TGM7: variants seen among roughly 807,000 people sequenced by gnomAD.
TGM7 encodes transglutaminase 7.
TGM7 carries 74 observed loss-of-function variants against 79.5 expected under a neutral mutation model. The observed-to-expected ratio is 0.93, with a 90% CI of 0.77 to 1.13. The LOEUF (loss-of-function observed/expected upper bound fraction) is 1.13. TGM7 is among the 50% of genes most tolerant of loss of function. The probability of loss-of-function intolerance (pLI) is 0.00; values close to 1 mark genes in which losing one functional copy is unlikely to be tolerated. For synonymous variants in TGM7, 354 were observed against 362.5 expected, an observed-to-expected ratio of 0.98 and a Z score of 0.27; for missense variants, 912 against 905.9, an observed-to-expected ratio of 1.01 and a Z score of -0.09.
At chr15:43,285,078 A>G in intron 6 of TGM7, 126 bp from the exon 7 acceptor site, 1 of 1,011,294 alleles carries the variant, frequency 9.9e-7, no homozygotes, top group Non-Finnish European at 1.5e-6. Context: ...CACACCAGTA[A>G]CTCCTTTATT....
At chr15:43,301,240 C>A (rs1408044766) in intron 1 of TGM7, among the ~76,000 whole-genome samples, 1 of 151,942 alleles carries the variant, frequency 6.6e-6, no homozygotes, top group East Asian at 2.0e-4. Context: ...GCCTTGGCCT[C>A]CCAAAGTGCT....
chr15:43,279,728 G>C lies in TGM7; in HGVS notation c.1575C>G (p.Ile525Met), dbSNP rs200510695. 2 of 1,613,974 alleles carry C rather than the reference G, an allele frequency of 1.2e-6. No individual in the cohort carries two copies. Among genetic ancestry groups the C allele is most frequent in the Non-Finnish European group, 8.5e-7 (1 of 1,180,038 alleles). Residue 525 changes from isoleucine to methionine, a missense_variant, in exon 10 of 13, where the codon ATC becomes ATG. By Grantham distance (10) the Ile-to-Met change is conservative. Transcript: ENST00000452443. ...GTGCACAGAAGCGCACCACCAGTCC[G>C]ATGGGCCCCCGAGGGTGGGTGCTGT... Reference protein sequence around the residue: ...VPDSTHPRGPIGLVVRFCAQA... With the variant: ...VPDSTHPRGPMGLVVRFCAQA...
At chr15:43,287,881 G>A (rs1005454582) in intron 4 of TGM7, among the ~76,000 whole-genome samples, 2 of 152,166 alleles carry the variant, frequency 1.3e-5, no homozygotes, top group African/African-American at 2.4e-5. Context: ...ACTAAACTGC[G>A]TGGTTCTGAT....
intron 11 of TGM7, 72 bp downstream of exon 11, chr15:43,279,045 G>C: frequency 2.0e-6 from 3 of 1,514,038 alleles, no homozygotes; most frequent in Non-Finnish European, 2.7e-6. Context: ...TGTCTTGTTG[G>C]CTGCTGCACC....
At position 43,287,504 on chromosome 15, in the gene TGM7, A is replaced by C. The variant is rs761363511; in HGVS notation, c.687+37T>G. 5.6e-6 allele frequency: 9 copies of C among 1,613,010 alleles called. No homozygotes were observed. In the African/African-American group the frequency reaches 1.1e-4, roughly 19 times the overall value. On this transcript the variant is annotated intron_variant, in intron 5 of 12. Transcript: ENST00000452443. The stretch of plus-strand genomic sequence containing the variant: ...GTTTCCACAGCTCCCGGGGAAGCTC[A>C]GACTGTCCTCAGACGGCGGGAAGCA...
intron 11 of TGM7, among the ~76,000 whole-genome samples, chr15:43,277,488 G>A (rs2142400017): frequency 6.6e-6 from 1 of 152,350 alleles, no homozygotes; most frequent in Non-Finnish European, 1.5e-5. Context: ...TGCATGATGT[G>A]TTAATGGCAG....
chr15:43,278,874 C>A (rs543371591), intron 11 of TGM7, among the ~76,000 whole-genome samples: 1 of 152,370 alleles, frequency 6.6e-6, no homozygotes, highest in South Asian at 2.1e-4. Flanking sequence ...ACTTAAAATG[C>A]CTTCACGGCC....
At chr15:43,283,470 C>G (rs1401776068) in intron 7 of TGM7, among the ~76,000 whole-genome samples, 1 of 119,724 alleles carries the variant, frequency 8.4e-6, no homozygotes, top group African/African-American at 5.3e-5. Context: ...CTCTCGCTCT[C>G]TCTCTTTTTC....
chr15:43,293,850 G>C (rs1257156446), intron 1 of TGM7, among the ~76,000 whole-genome samples: 2 of 53,878 alleles, frequency 3.7e-5, no homozygotes, highest in African/African-American at 1.6e-4. Flanking sequence ...TGTGCGGGGG[G>C]GTGGGGTGTG....
chr15:43,292,532 G>A (rs908647020), intron 3 of TGM7, among the ~76,000 whole-genome samples, 177 bp downstream of exon 3: 2 of 152,178 alleles, frequency 1.3e-5, no homozygotes, highest in South Asian at 2.1e-4. Flanking sequence ...TTAACATCAC[G>A]TCATGAATAC....
chr15:43,302,125 T>G (rs1347707389), intron 1 of TGM7, 116 bp downstream of exon 1: 1 of 1,224,316 alleles, frequency 8.2e-7, no homozygotes, highest in Non-Finnish European at 1.2e-6. Context: ...CACAATGAAC[T>G]ACCAATCATC....
In TGM7 at chr15:43,284,822, G is replaced by A. The variant is rs1162698332; in HGVS notation, c.996C>T (p.Asp332=). 1 of 1,614,106 alleles carries A rather than the reference G, an allele frequency of 6.2e-7. No individual in the cohort carries two copies. Among genetic ancestry groups the A allele is most frequent in the East Asian group, 2.2e-5 (1 of 44,876 alleles). ...NAEMLSTQKR[D]KIWNFHVWNE... is the part of the protein sequence containing the mutation. Reference sequence around the variant, plus strand: ...AAGACAGTGCCTCTCACCATATTTTGTCTCGTTTCTGAGTTGACAGCATCT... The same window carrying A: ...AAGACAGTGCCTCTCACCATATTTTATCTCGTTTCTGAGTTGACAGCATCT... The change falls in exon 7 of 13, where the codon GAC becomes GAT. Residue 332 remains aspartate (D), a synonymous_variant. Transcript: ENST00000452443.
chr15:43,282,190 G>A lies in TGM7; in HGVS notation c.1109-104C>T. The A allele has an allele frequency of 2.7e-6, 4 of 1,481,850 alleles. No homozygotes were observed. The South Asian group carries it at 5.0e-5, about 19-fold the overall frequency. The allele number at this position is 1,481,850 out of a possible 1,614,324, so 91.8% of individuals were successfully genotyped here. The stretch of plus-strand genomic sequence containing the variant: ...GCGGCACCACTGACTCTCACCCGTG[G>A]GATATCTTCCAGTTTACCAAGCACT... On this transcript the variant is annotated intron_variant, in intron 8 of 12. Transcript: ENST00000452443.
intron 9 of TGM7, among the ~76,000 whole-genome samples, chr15:43,280,944 C>A (rs2042904846): frequency 6.6e-6 from 1 of 152,212 alleles, no homozygotes; most frequent in African/African-American, 2.4e-5. Flanking sequence ...ATTTGGGTAG[C>A]AAGAGCAAGG....
At chr15:43,290,649 C>T (rs1410840300) in intron 4 of TGM7, among the ~76,000 whole-genome samples, 2 of 152,174 alleles carry the variant, frequency 1.3e-5, no homozygotes, top group African/African-American at 4.8e-5. Flanking sequence ...TATAAATTAC[C>T]TTGGGCAGTA....
In TGM7 at chr15:43,292,887, A is replaced by G; in HGVS notation, c.261T>C (p.Asn87=). 6.2e-7 allele frequency: 1 copy of G among 1,613,988 alleles called. No homozygotes were observed. The highest frequency in any genetic ancestry group is 8.5e-7 in the Non-Finnish European group (1 of 1,179,998). The change falls in exon 3 of 13, where the codon AAT becomes AAC. Residue 87 remains asparagine, a synonymous_variant. Coordinates refer to ENST00000452443, the MANE Select transcript of TGM7 (RefSeq NM_052955.3). ...TFFLTRVQPG[N]VWSASDFTID... Reference sequence around the variant, plus strand: ...TGGTGAAATCAGAAGCGCTCCAGACATTCCCGGGCTGGACCCGGGTGAGGA... The same window carrying G: ...TGGTGAAATCAGAAGCGCTCCAGACGTTCCCGGGCTGGACCCGGGTGAGGA...
rs2042975392 is a variant in TGM7 at position 43,293,563 on chromosome 15, C to G, written c.79G>C (p.Glu27Gln). The change falls in exon 2 of 13, where the codon GAG (glutamate) becomes CAG (glutamine). Residue 27 changes from glutamate (E) to glutamine (Q), a missense_variant. Coordinates refer to ENST00000452443, the MANE Select transcript of TGM7 (RefSeq NM_052955.3). ...SRNNKEHHTQ[E>Q]MGVKRLTVRR... is the part of the protein sequence containing the mutation. ...ACAGTGAGCCGCTTGACGCCCATCT[C>G]CTGCGTGTGGTGCTCCTTGTTGTTC... 6.2e-7 allele frequency: 1 copy of G among 1,611,092 alleles called. No homozygotes were observed. Among genetic ancestry groups the G allele is most frequent in the Non-Finnish European group, 8.5e-7 (1 of 1,179,682 alleles).
Position 43,279,111 on chromosome 15 carries a change from C to T in TGM7, c.1839+6G>A, listed in dbSNP as rs749127782. 3 of 1,610,372 alleles carry T rather than the reference C, an allele frequency of 1.9e-6. No homozygotes were observed. The highest frequency in any genetic ancestry group is 1.1e-5 in the South Asian group (1 of 90,696). On this transcript the variant is annotated splice_donor_region_variant and intron_variant, in intron 11 of 12. Coordinates refer to ENST00000452443, the MANE Select transcript of TGM7 (RefSeq NM_052955.3). ...CTCAGAGCCCCCACCCATGTCCAGA[C>T]ACTACCTCAATAGACAAGTGGGGAG...
At chr15:43,280,058 G>A (rs959663867) in intron 9 of TGM7, 107 bp from the exon 10 acceptor site, 13 of 1,001,204 alleles carry the variant, frequency 1.3e-5, no homozygotes, top group African/African-American at 8.1e-5. Context: ...GAGGCGGCGC[G>A]GCTCAGGTGC....
Sources: allele counts gnomAD v4.1 joint callset (sites outside exome capture counted in the v4.1 genomes callset), GRCh38; gene constraint gnomAD v4.1.1; transcripts MANE v1.5; gene names NCBI Gene and HGNC (gene_info 2026-07-23, HGNC 2026-07-21).